OCM: variants seen among roughly 807,000 people sequenced by gnomAD.
The protein encoded by OCM is oncomodulin-1.
A neutral mutation model predicts 14.1 loss-of-function variants in OCM; 18 were observed. That is an observed-to-expected ratio of 1.28 (90% CI 0.88 to 1.89). The LOEUF (loss-of-function observed/expected upper bound fraction) is 1.89. Among genes scored for constraint, OCM ranks in the 40% most tolerant of loss-of-function variants. The probability of loss-of-function intolerance (pLI) is 0.00; values close to 1 mark genes in which losing one functional copy is unlikely to be tolerated. For missense variants in OCM, 140 were observed against 137.6 expected (o/e 1.02, Z -0.09); for synonymous variants, 48 against 51.0 (o/e 0.94, Z 0.25).
At chr7:5,873,505 A>G in the OCM span, among the ~76,000 whole-genome samples, 4 of 152,024 alleles carry the variant, frequency 2.6e-5, no homozygotes, top group African/African-American at 9.7e-5. Context: ...CTGGATAATT[A>G]TTTAGTTATT....
upstream of OCM, among the ~76,000 whole-genome samples, chr7:5,876,087 C>G (rs1323357628): frequency 1.3e-5 from 2 of 152,064 alleles, no homozygotes; most frequent in South Asian, 2.1e-4. Context: ...TCACTGCAAC[C>G]TCCACCTCCC....
At chr7:5,870,862 T>G in the OCM span, among the ~76,000 whole-genome samples, 3 of 151,886 alleles carry the variant, frequency 2.0e-5, no homozygotes, top group Non-Finnish European at 4.4e-5. Flanking sequence ...CACATGAAAT[T>G]CTTGTAAATA....
chr7:5,875,219 T>C (rs576245799), upstream of OCM, among the ~76,000 whole-genome samples: 16 of 152,048 alleles, frequency 1.1e-4, no homozygotes, highest in South Asian at 3.3e-3. Context: ...CATGCCCAGA[T>C]AATTTTTTTG....
chr7:5,870,702 G>A, the OCM span, among the ~76,000 whole-genome samples: 1 of 152,174 alleles, frequency 6.6e-6, no homozygotes, highest in South Asian at 2.1e-4. Flanking sequence ...TGTGGAAAAT[G>A]TTTGCTGCTT....
At chr7:5,863,052 T>G in the OCM span, among the ~76,000 whole-genome samples, 1 of 152,354 alleles carries the variant, frequency 6.6e-6, no homozygotes, top group Middle Eastern at 3.4e-3. Flanking sequence ...TTACTCCTTT[T>G]TTCACATATT....
chr7:5,884,598 T>C (rs1414225326), intron 3 of OCM, among the ~76,000 whole-genome samples: 1 of 152,170 alleles, frequency 6.6e-6, no homozygotes, highest in Non-Finnish European at 1.5e-5. Context: ...CACTTGATTT[T>C]GTCATGTTGC....
At chr7:5,876,990 A>T (rs964871287), upstream of OCM, among the ~76,000 whole-genome samples, 2 of 152,030 alleles carry the variant, frequency 1.3e-5, no homozygotes, top group Non-Finnish European at 2.9e-5. Flanking sequence ...TTTTTAGTAG[A>T]GACGGGGGTT....
At chr7:5,863,393 A>T in the OCM span, among the ~76,000 whole-genome samples, 1 of 152,034 alleles carries the variant, frequency 6.6e-6, no homozygotes, top group African/African-American at 2.4e-5. Flanking sequence ...AATGGGAAAG[A>T]TCTATTAGGG....
the OCM span, among the ~76,000 whole-genome samples, chr7:5,874,043 C>T: frequency 7.1e-6 from 1 of 141,370 alleles, no homozygotes; most frequent in Non-Finnish European, 1.5e-5. Flanking sequence ...TGGTGAAACC[C>T]CATCTCTACT....
chr7:5,862,129 C>T, the OCM span, among the ~76,000 whole-genome samples: 1 of 152,052 alleles, frequency 6.6e-6, no homozygotes, highest in Non-Finnish European at 1.5e-5. Context: ...TGCTCGTTTG[C>T]CATCCATACT....
the OCM span, among the ~76,000 whole-genome samples, chr7:5,861,527 A>C: frequency 6.6e-6 from 1 of 152,154 alleles, no homozygotes; most frequent in Non-Finnish European, 1.5e-5. Context: ...ATTTACATTC[A>C]GGAAGGAAAA....
intron 3 of OCM, among the ~76,000 whole-genome samples, chr7:5,885,607 T>A (rs1245817382): frequency 1.3e-5 from 2 of 151,636 alleles, no homozygotes; most frequent in African/African-American, 4.8e-5. Context: ...TTTCTTTCTT[T>A]CTTTCCTTTT....
the OCM span, among the ~76,000 whole-genome samples, chr7:5,866,138 T>G: frequency 1.3e-5 from 2 of 150,598 alleles, no homozygotes; most frequent in East Asian, 2.0e-4. Context: ...CTGGGCAACA[T>G]AGCAAAACCC....
the OCM span, among the ~76,000 whole-genome samples, chr7:5,862,169 C>T: frequency 6.6e-6 from 1 of 152,136 alleles, no homozygotes; most frequent in African/African-American, 2.4e-5. Context: ...AGGATCCATA[C>T]ACCAGCATGT....
chr7:5,862,667 ACTCC>A, the OCM span, among the ~76,000 whole-genome samples: 1 of 151,962 alleles, frequency 6.6e-6, no homozygotes, highest in African/African-American at 2.4e-5. Flanking sequence ...TAAACTCTTT[ACTCC>A]CTCTTTTCAC....
the OCM span, among the ~76,000 whole-genome samples, chr7:5,864,949 AG>A: frequency 1.3e-5 from 2 of 152,052 alleles, no homozygotes; most frequent in African/African-American, 4.8e-5. Context: ...AAAAAAAAAA[AG>A]AACTAGGGAA....
At chr7:5,882,994 C>T (rs1781253016) in intron 2 of OCM, among the ~76,000 whole-genome samples, 1 of 151,956 alleles carries the variant, frequency 6.6e-6, no homozygotes, top group African/African-American at 2.4e-5. Flanking sequence ...AGGTGCCTGC[C>T]ACCACATCCA....
chr7:5,870,936 G>C, the OCM span, among the ~76,000 whole-genome samples: 1 of 151,834 alleles, frequency 6.6e-6, no homozygotes, highest in African/African-American at 2.4e-5. Flanking sequence ...GCCCAGGCTG[G>C]AGTGCAATGG....
chr7:5,882,758 C>T (rs1380557855), intron 2 of OCM, 133 bp downstream of exon 2: 1 of 1,061,140 alleles, frequency 9.4e-7, no homozygotes, highest in East Asian at 2.6e-5. Flanking sequence ...ATCATTAAAG[C>T]AAAGGACATG....
Sources: gnomAD v4.1 joint callset for allele counts (sites outside exome capture counted in the v4.1 genomes callset) on GRCh38, gnomAD v4.1.1 for gene constraint, MANE v1.5 for transcripts, NCBI Gene and HGNC (gene_info 2026-07-23, HGNC 2026-07-21) for gene names.